The following SLC4A5 variants were observed in gnomAD, a reference collection of about 807,000 sequenced individuals.
The protein encoded by SLC4A5 is solute carrier family 4 member 5, also known as electrogenic sodium bicarbonate cotransporter 4.
Under a neutral mutation model 120.4 loss-of-function variants are expected in SLC4A5, and 96 were observed. The ratio of observed to expected loss-of-function variants is 0.80; its 90% CI spans 0.68 to 0.94. The LOEUF (loss-of-function observed/expected upper bound fraction) is 0.94. Ranked by LOEUF, SLC4A5 falls within the 40% of genes least tolerant of loss-of-function variation. The pLI, the probability that SLC4A5 is intolerant of heterozygous loss-of-function variation, is 0.00. For missense variants in SLC4A5, 1,259 were observed against 1,459.5 expected (o/e 0.86, Z 2.24); for synonymous variants, 550 against 571.1 (o/e 0.96, Z 0.53).
intron 7 of SLC4A5, among the ~76,000 whole-genome samples, chr2:74,303,998 C>T (rs553744809): frequency 1.3e-4 from 20 of 151,790 alleles, no homozygotes; most frequent in Admixed American, 5.2e-4. Flanking sequence ...TACAGGCACC[C>T]GCCACTACGC....
intron 5 of SLC4A5, among the ~76,000 whole-genome samples, chr2:74,326,384 T>C (rs1235774984): frequency 6.6e-6 from 1 of 152,204 alleles, no homozygotes; most frequent in South Asian, 2.1e-4. Flanking sequence ...TAGATCGCCT[T>C]GGTGTTGAGC....
At chr2:74,247,014 C>T (rs1272208541) in intron 19 of SLC4A5, 22 bp downstream of exon 19, 2 of 1,610,068 alleles carry the variant, frequency 1.2e-6, no homozygotes, top group Admixed American at 3.3e-5. Context: ...GGGCCCACGG[C>T]ATGTCTGGGG....
intron 8 of SLC4A5, among the ~76,000 whole-genome samples, chr2:74,282,293 C>T (rs749684367): frequency 6.6e-6 from 1 of 152,208 alleles, no homozygotes; most frequent in African/African-American, 2.4e-5. Flanking sequence ...AAGGGTGGAG[C>T]AGAAGTCGAG....
At chr2:74,282,172 T>C (rs1671834425) in intron 8 of SLC4A5, among the ~76,000 whole-genome samples, 2 of 152,218 alleles carry the variant, frequency 1.3e-5, no homozygotes, top group Admixed American at 6.5e-5. Flanking sequence ...AGGCCCATGG[T>C]GGGCTTCTTG....
intron 2 of SLC4A5, among the ~76,000 whole-genome samples, chr2:74,341,060 T>A (rs1673612349): frequency 6.6e-6 from 1 of 152,008 alleles, no homozygotes; most frequent in Non-Finnish European, 1.5e-5. Context: ...ATCTCAACAC[T>A]TTGGGAGGCC....
At chr2:74,261,547 C>T (rs1488522181) in intron 11 of SLC4A5, among the ~76,000 whole-genome samples, 3 of 152,222 alleles carry the variant, frequency 2.0e-5, no homozygotes, top group African/African-American at 7.2e-5. Context: ...TTTCACTTCA[C>T]TTTCTAAGTT....
chr2:74,283,372 CG>C (rs1339432965), intron 8 of SLC4A5, among the ~76,000 whole-genome samples: 3 of 152,180 alleles, frequency 2.0e-5, no homozygotes, highest in Admixed American at 6.5e-5. Context: ...CGATCAGCAC[CG>C]TAAGTGTTCA....
intron 8 of SLC4A5, among the ~76,000 whole-genome samples, chr2:74,281,007 G>T (rs1671796770): frequency 6.6e-6 from 1 of 152,144 alleles, no homozygotes; most frequent in African/African-American, 2.4e-5. Context: ...CTTAATGAGG[G>T]TGATTTCAGG....
At chr2:74,334,976 CTT>C (rs11470664) in intron 3 of SLC4A5, among the ~76,000 whole-genome samples, 7,873 of 152,062 alleles carry the variant, frequency 0.052, 681 homozygotes, top group African/African-American at 0.18. Context: ...AGCAGAGAGT[CTT>C]TTTTGCTTCT....
chr2:74,252,399 A>AG lies in SLC4A5; in HGVS notation c.1269-12dup. The AG allele has an allele frequency of 6.2e-7, 1 of 1,605,998 alleles. No homozygotes were observed. Among genetic ancestry groups the AG allele is most frequent in the Non-Finnish European group, 8.5e-7 (1 of 1,173,784 alleles). On this transcript the variant is annotated splice_polypyrimidine_tract_variant and intron_variant, in intron 15 of 30. Transcript: ENST00000394019. Reference sequence around the variant, plus strand: ...GAGAACACAGATTTCCTGGAAGAGAAGGGGGATGAAGGAGAGTGGGTCCCC... The same window carrying AG: ...GAGAACACAGATTTCCTGGAAGAGAAGGGGGGATGAAGGAGAGTGGGTCCCC...
At chr2:74,331,988 G>A (rs535512566) in intron 4 of SLC4A5, among the ~76,000 whole-genome samples, 4 of 152,250 alleles carry the variant, frequency 2.6e-5, no homozygotes, top group East Asian at 1.9e-4. Context: ...AGGTTCTTGC[G>A]TTGTGGGATA....
At position 74,342,452 on chromosome 2, in the gene SLC4A5, G is replaced by C. The variant is rs1673649615; in HGVS notation, c.-270+6C>G. On this transcript the variant is annotated splice_donor_region_variant and intron_variant, in intron 2 of 30. Coordinates refer to ENST00000394019, the Ensembl canonical transcript of SLC4A5. ...ATCCAAAATAAAGGAGGTGGGGAGAGCATACCTGGGTGGTCTTCAGGGTAC... is the reference window on the plus strand; with the variant it reads ...ATCCAAAATAAAGGAGGTGGGGAGACCATACCTGGGTGGTCTTCAGGGTAC... 6.6e-6 allele frequency: 1 copy of C among 152,080 alleles called. No individual in the cohort carries two copies. Among genetic ancestry groups the C allele is most frequent in the African/African-American group, 2.4e-5 (1 of 41,436 alleles). The allele number at this position is 152,080 out of a possible 1,614,324, so 9.4% of individuals were successfully genotyped here.
chr2:74,269,086 C>T (rs1671391207), intron 8 of SLC4A5, among the ~76,000 whole-genome samples: 1 of 152,174 alleles, frequency 6.6e-6, no homozygotes, highest in African/African-American at 2.4e-5. Flanking sequence ...GTGGAGAAAT[C>T]TGTTTGGGAA....
chr2:74,284,009 C>CTATTTT (rs1203248780), intron 8 of SLC4A5, among the ~76,000 whole-genome samples: 4 of 151,630 alleles, frequency 2.6e-5, no homozygotes, highest in Non-Finnish European at 5.9e-5. Flanking sequence ...AGCTAATTTT[C>CTATTTT]TATTTTTATT....
At position 74,317,039 on chromosome 2, in the gene SLC4A5, C is replaced by A. The variant is rs550002836; in HGVS notation, c.-2-2014G>T. On this transcript the variant is annotated intron_variant, in intron 5 of 30. Transcript: ENST00000394019. ...GTTCAATACACATGCATCAGGACCACCTTCATGAATATTCATAGATCCTCC... is the reference window on the plus strand; with the variant it reads ...GTTCAATACACATGCATCAGGACCAACTTCATGAATATTCATAGATCCTCC... Among the ~76,000 whole-genome samples, 131 of 152,332 alleles carry A rather than the reference C, an allele frequency of 8.6e-4. 1 individual carries two copies. The highest frequency in any genetic ancestry group is 3.0e-3 in the African/African-American group (125 of 41,570).
At chr2:74,335,189 T>C (rs1193196578) in intron 3 of SLC4A5, among the ~76,000 whole-genome samples, 2 of 152,250 alleles carry the variant, frequency 1.3e-5, no homozygotes, top group Non-Finnish European at 2.9e-5. Flanking sequence ...CAAAGTCATG[T>C]GATCTCCTGC....
At chr2:74,234,977 A>C in intron 22 of SLC4A5, 124 bp downstream of exon 22, 1 of 735,662 alleles carries the variant, frequency 1.4e-6, no homozygotes, top group Non-Finnish European at 2.2e-6. Context: ...GAAAGGTGGC[A>C]CACAGAGAAC....
chr2:74,290,404 G>A (rs1016571384), intron 7 of SLC4A5: 2 of 985,290 alleles, frequency 2.0e-6, no homozygotes, highest in Non-Finnish European at 2.4e-6. Flanking sequence ...GGGGAGGTGT[G>A]GGGAGAGAAG....
intron 25 of SLC4A5, among the ~76,000 whole-genome samples, chr2:74,228,473 C>CA (rs890699177): frequency 6.4e-4 from 98 of 152,102 alleles, no homozygotes; most frequent in African/African-American, 2.3e-3. Flanking sequence ...ACTAAAAATA[C>CA]AAAAAAATTA....
Sources: gnomAD v4.1 joint callset for allele counts (sites outside exome capture counted in the v4.1 genomes callset) on GRCh38, gnomAD v4.1.1 for gene constraint, MANE v1.5 for transcripts, NCBI Gene and HGNC (gene_info 2026-07-23, HGNC 2026-07-21) for gene names.